Variants in BTN2A1 observed in about 807,000 individuals in gnomAD.
The protein encoded by BTN2A1 is butyrophilin, subfamily 2, member A1.
Under a neutral mutation model 34.5 loss-of-function variants are expected in BTN2A1, and 41 were observed. The ratio of observed to expected loss-of-function variants is 1.19; its 90% CI spans 0.93 to 1.54. The LOEUF (loss-of-function observed/expected upper bound fraction) is 1.54. Ranked by LOEUF, BTN2A1 falls within the 40% of genes most tolerant of loss-of-function variation. The pLI is 0.00. For missense variants in BTN2A1, 642 were observed against 662.0 expected (o/e 0.97, Z 0.33); for synonymous variants, 267 against 258.6 (o/e 1.03, Z -0.31).
chr6:26,469,104 C>A lies in BTN2A1; in HGVS notation c.*555C>A. On this transcript the variant is annotated 3_prime_UTR_variant, in exon 8 of 8. Coordinates refer to ENST00000312541, the MANE Select transcript of BTN2A1 (RefSeq NM_007049.5). ...TAAGGGGACCTGGGAGATGATGGCT[C>A]ATTTCCACCCAGCCCCAGGATTTCC... 1.8e-6 allele frequency: 2 copies of A among 1,100,948 alleles called. No individual in the cohort carries two copies. Among genetic ancestry groups the A allele is most frequent in the Non-Finnish European group, 2.2e-6 (2 of 897,228 alleles). The allele number at this position is 1,100,948 out of a possible 1,614,324, so 68.2% of individuals were successfully genotyped here.
At chr6:26,467,658 TGA>T in intron 7 of BTN2A1, 1 of 1,492,734 alleles carries the variant, frequency 6.7e-7, no homozygotes, top group Non-Finnish European at 9.1e-7. Context: ...CTTAGAATGC[TGA>T]GAGAAAGTAT....
At chr6:26,467,704 T>A in intron 7 of BTN2A1, 10 of 1,584,954 alleles carry the variant, frequency 6.3e-6, no homozygotes, top group Non-Finnish European at 8.6e-6. Context: ...TTGCTAAACT[T>A]TCCGGATTTC....
rs182916909 is a variant in BTN2A1 at position 26,462,988 on chromosome 6, C to T, written c.431-256C>T. On this transcript the variant is annotated intron_variant, in intron 3 of 7. Coordinates refer to ENST00000312541, the MANE Select transcript of BTN2A1 (RefSeq NM_007049.5). ...GCTGTGATGGGGCCTATAGGTGGACCGCAAAGAAAAGGGTGCAATGGGATC... is the reference window on the plus strand; with the variant it reads ...GCTGTGATGGGGCCTATAGGTGGACTGCAAAGAAAAGGGTGCAATGGGATC... The T allele has an allele frequency of 9.4e-5, 102 of 1,086,918 alleles. No individual in the cohort carries two copies. In the East Asian group the frequency reaches 2.3e-3, roughly 24 times the overall value. The allele number at this position is 1,086,918 out of a possible 1,614,324, so 67.3% of individuals were successfully genotyped here. A position where few individuals can be genotyped will look rare whatever the true frequency, so the allele number is the denominator to read the frequency against.
intron 5 of BTN2A1, 89 bp downstream of exon 5, chr6:26,465,495 G>A (rs571070905): frequency 1.7e-5 from 21 of 1,245,660 alleles, no homozygotes; most frequent in African/African-American, 1.1e-4. Context: ...CCTGGAGTTC[G>A]AGACCAGCCT....
chr6:26,468,612 A>C lies in BTN2A1; in HGVS notation c.*63A>C, dbSNP rs1388236246. On this transcript the variant is annotated 3_prime_UTR_variant, in exon 8 of 8. Transcript: ENST00000312541. ...CTGGTCATCTCAGCAGCCACCGCAC[A>C]ACACCCCTGGTGGAAGACACGCCCT... is the stretch of plus-strand genomic sequence containing the variant. The C allele has an allele frequency of 1.2e-6, 2 of 1,614,140 alleles. No homozygotes were observed. Among genetic ancestry groups the C allele is most frequent in the Non-Finnish European group, 1.7e-6 (2 of 1,180,020 alleles).
chr6:26,462,676 G>A, intron 3 of BTN2A1: 1 of 534,932 alleles, frequency 1.9e-6, no homozygotes, highest in Middle Eastern at 3.3e-4. Flanking sequence ...CCTATGGGTG[G>A]TAGAAAGCGG....
Position 26,468,316 on chromosome 6 carries a change from G to C in BTN2A1, c.1351G>C (p.Gly451Arg), listed in dbSNP as rs1483378771. The C allele has an allele frequency of 1.9e-6, 3 of 1,614,168 alleles. No homozygotes were observed. Among genetic ancestry groups the C allele is most frequent in the South Asian group, 1.1e-5 (1 of 91,080 alleles). Residue 451 changes from glycine (G) to arginine (R), a missense_variant, in exon 8 of 8, where the codon GGC (glycine) becomes CGC (arginine). Coordinates refer to ENST00000312541, the MANE Select transcript of BTN2A1 (RefSeq NM_007049.5). ...TTTGAAGGAGTCCCTTTGCCGGGTG[G>C]GCGTCTTCCTGGACTATGAAGCTGG... Reference protein sequence around the residue: ...LPLKESLCRVGVFLDYEAGDV... With the variant: ...LPLKESLCRVRVFLDYEAGDV...
At chr6:26,475,531 G>A (rs542571168) in intron 7 of BTN2A1, among the ~76,000 whole-genome samples, 24 of 152,294 alleles carry the variant, frequency 1.6e-4, no homozygotes, top group Non-Finnish European at 2.9e-4. Flanking sequence ...GGACTCAGCT[G>A]TCACATTTGG....
chr6:26,468,972 C>T lies in BTN2A1; in HGVS notation c.*423C>T. 1 of 1,203,026 alleles carries T rather than the reference C, an allele frequency of 8.3e-7. No homozygotes were observed. Among genetic ancestry groups the T allele is most frequent in the Non-Finnish European group, 1.1e-6 (1 of 952,116 alleles). The allele number at this position is 1,203,026 out of a possible 1,614,324, so 74.5% of individuals were successfully genotyped here. A position where few individuals can be genotyped will look rare whatever the true frequency, so the allele number is the denominator to read the frequency against. On this transcript the variant is annotated 3_prime_UTR_variant, in exon 8 of 8. Transcript: ENST00000312541. ...GAGGAGAGAGGAATCCACAGGACCA[C>T]CAGAGAGGAGAGGGAACCAGATATG...
In BTN2A1 at chr6:26,465,177, C is replaced by A; in HGVS notation, c.713-8C>A. ...AAACTAAGTGGATATTTCTGGCTGC[C>A]TTTTCAGAATCCTTTATGCCCAGTG... On this transcript the variant is annotated splice_region_variant and splice_polypyrimidine_tract_variant and intron_variant, in intron 4 of 7. Transcript: ENST00000312541. 1.2e-6 allele frequency: 2 copies of A among 1,612,656 alleles called. No individual in the cohort carries two copies. Among genetic ancestry groups the A allele is most frequent in the East Asian group, 2.2e-5 (1 of 44,862 alleles).
In BTN2A1 at chr6:26,468,720, CT is replaced by C; in HGVS notation, c.*172del. The C allele has an allele frequency of 6.2e-7, 1 of 1,612,736 alleles. No individual in the cohort carries two copies. The highest frequency in any genetic ancestry group is 2.2e-5 in the East Asian group (1 of 44,872). On this transcript the variant is annotated 3_prime_UTR_variant, in exon 8 of 8. Coordinates refer to ENST00000312541, the MANE Select transcript of BTN2A1 (RefSeq NM_007049.5). ...AGACCTCAGCCCCAGTTTTCTCCTCCTCACTAGGCTGTGTTTTTAGTAGTTC... is the reference window on the plus strand; with the variant it reads ...AGACCTCAGCCCCAGTTTTCTCCTCCCACTAGGCTGTGTTTTTAGTAGTTC...
intron 7 of BTN2A1, 48 bp from the exon 8 acceptor site, chr6:26,467,900 C>T: frequency 2.5e-6 from 4 of 1,586,564 alleles, no homozygotes; most frequent in Non-Finnish European, 2.6e-6. Flanking sequence ...CCACACAATC[C>T]CCAGGGTTCC....
chr6:26,476,580 G>T, exon 8 of BTN2A1: 1 of 276,670 alleles, frequency 3.6e-6, no homozygotes, highest in Non-Finnish European at 7.3e-6. Context: ...CAAGCCACTG[G>T]GCACTCATAT....
At chr6:26,467,531 C>T (rs4422619) in intron 7 of BTN2A1, among the ~76,000 whole-genome samples, 19,850 of 152,016 alleles carry the variant, frequency 0.13, 3,455 homozygotes, top group African/African-American at 0.4. Context: ...AGGCTGGTCT[C>T]GAACTCCTGA....
Position 26,468,498 on chromosome 6 carries a change from G to A in BTN2A1, c.1533G>A (p.Val511=). 2 of 1,614,132 alleles carry A rather than the reference G, an allele frequency of 1.2e-6. No homozygotes were observed. Among genetic ancestry groups the A allele is most frequent in the African/African-American group, 1.3e-5 (1 of 75,014 alleles). The change falls in exon 8 of 8, where the codon GTG becomes GTA. Residue 511 remains valine, a synonymous_variant. Coordinates refer to ENST00000312541, the MANE Select transcript of BTN2A1 (RefSeq NM_007049.5). ...TCACAGGAGCCAATGGGGTCACGGT[G>A]CCTGAAGAGGGCCTGACACTTCACA... ...PALTGANGVT[V]PEEGLTLHRV...
At chr6:26,458,998 G>A (rs531948963) in intron 2 of BTN2A1, among the ~76,000 whole-genome samples, 15 of 151,774 alleles carry the variant, frequency 9.9e-5, no homozygotes, top group South Asian at 2.1e-4. Context: ...ATTTTGTTTC[G>A]CCCCAAATAA....
In BTN2A1 at chr6:26,468,230, G is replaced by A. The variant is rs767418078; in HGVS notation, c.1265G>A (p.Trp422Ter). ...EVLLIPQNGF[W>*]TLEMHKGQYR... ...CTGCTGATTCCTCAGAATGGCTTCT[G>A]GACCTTGGAGATGCATAAAGGGCAA... Residue 422 changes from tryptophan to a stop codon, truncating the protein, a stop_gained, in exon 8 of 8, where the codon TGG becomes TAG. Coordinates refer to ENST00000312541, the MANE Select transcript of BTN2A1 (RefSeq NM_007049.5). LOFTEE classifies it low-confidence loss of function (END_TRUNC). The A allele has an allele frequency of 8.7e-6, 14 of 1,614,176 alleles. No individual in the cohort carries two copies. The South Asian group carries it at 1.5e-4, about 18-fold the overall frequency.
At chr6:26,464,451 T>A (rs1049143526) in intron 4 of BTN2A1, among the ~76,000 whole-genome samples, 1 of 152,162 alleles carries the variant, frequency 6.6e-6, no homozygotes, top group Non-Finnish European at 1.5e-5. Context: ...AAAGAGGCAA[T>A]GTGAGACATT....
At chr6:26,458,836 A>ATGTT in intron 2 of BTN2A1, 118 bp downstream of exon 2, 1 of 1,315,452 alleles carries the variant, frequency 7.6e-7, no homozygotes, top group Non-Finnish European at 1.1e-6. Flanking sequence ...CATTCTGAAC[A>ATGTT]TGTTCATTGA....
Sources: allele counts gnomAD v4.1 joint callset (sites outside exome capture counted in the v4.1 genomes callset), GRCh38; gene constraint gnomAD v4.1.1; transcripts MANE v1.5; gene names NCBI Gene and HGNC (gene_info 2026-07-23, HGNC 2026-07-21).